Variants in CPNE4 observed in about 807,000 individuals in gnomAD.
CPNE4 encodes the protein copine-4.
In CPNE4, 25 loss-of-function variants were observed where a neutral mutation model predicts 67.9. The ratio of observed to expected loss-of-function variants is 0.37; its 90% confidence interval spans 0.27 to 0.51. The LOEUF is 0.51. Ranked by LOEUF, CPNE4 falls within the 20% of genes least tolerant of loss-of-function variation. CPNE4 has a pLI of 0.93. For synonymous variants in CPNE4, 242 were observed against 244.9 expected, an observed-to-expected ratio of 0.99 and a Z score of 0.11; for missense variants, 464 against 690.8, an observed-to-expected ratio of 0.67 and a Z score of 3.68.
intron 7 of CPNE4, among the ~76,000 whole-genome samples, chr3:131,624,347 C>T (rs1940628252): frequency 6.6e-6 from 1 of 152,118 alleles, no homozygotes; most frequent in South Asian, 2.1e-4. Flanking sequence ...ATATCTGGGT[C>T]TGGGTTTCTA....
chr3:131,739,603 A>G (rs1341192542), intron 2 of CPNE4, among the ~76,000 whole-genome samples: 2 of 152,244 alleles, frequency 1.3e-5, no homozygotes, highest in Non-Finnish European at 2.9e-5. Flanking sequence ...GAGAAGAAAC[A>G]ACTAACATGG....
intron 10 of CPNE4, among the ~76,000 whole-genome samples, chr3:131,570,908 C>G (rs1275157210): frequency 6.6e-6 from 1 of 152,060 alleles, no homozygotes; most frequent in African/African-American, 2.4e-5. Context: ...TAGTCTGATT[C>G]TAGCTTAAAA....
At position 131,990,142 on chromosome 3, in the gene CPNE4, TG is replaced by T. The variant is rs1211103529; in HGVS notation, c.-2+44424del. Reference sequence around the variant, plus strand: ...TAATGTATCTTCATTTATCATTTTGTGTGTCATACAAGTCTCTGTAAACTTA... The same window carrying T: ...TAATGTATCTTCATTTATCATTTTGTTGTCATACAAGTCTCTGTAAACTTA... On this transcript the variant is annotated intron_variant, in intron 1 of 15. Transcript: ENST00000429747. 3.2e-4 allele frequency among the ~76,000 whole-genome samples: 44 copies of T among 137,158 alleles called. 9 individuals are homozygous for T. The highest frequency in any genetic ancestry group is 1.5e-4 in the Non-Finnish European group (9 of 60,350). The allele number at this position is 137,158 out of a possible 152,430, so 90.0% of individuals were successfully genotyped here. A position where few individuals can be genotyped will look rare whatever the true frequency, so the allele number is the denominator to read the frequency against.
At chr3:131,651,424 TAGATA>T (rs1210765925) in intron 7 of CPNE4, among the ~76,000 whole-genome samples, 1 of 152,234 alleles carries the variant, frequency 6.6e-6, no homozygotes, top group Non-Finnish European at 1.5e-5. Context: ...CTGAAGATGA[TAGATA>T]AACACATCTA....
intron 6 of CPNE4, among the ~76,000 whole-genome samples, chr3:131,676,615 T>C (rs950762424): frequency 6.6e-6 from 1 of 152,180 alleles, no homozygotes; most frequent in Non-Finnish European, 1.5e-5. Context: ...CTCCCACTTA[T>C]AAGTGAGAAC....
intron 2 of CPNE4, among the ~76,000 whole-genome samples, chr3:131,812,922 G>A (rs2084593450): frequency 6.6e-6 from 1 of 152,176 alleles, no homozygotes; most frequent in South Asian, 2.1e-4. Context: ...ATTTTAGGTA[G>A]TAATCCTATA....
In CPNE4 at chr3:131,627,065, C is replaced by T. The variant is rs142718467; in HGVS notation, c.682-39483G>A. On this transcript the variant is annotated intron_variant, in intron 7 of 15. Transcript: ENST00000429747. ...AAAATTAGCCAGGTGCGGTGGTGGG[C>T]GCCTGTAATCCCAGCTACTCAGGAG... Among the ~76,000 whole-genome samples, 894 of 151,624 alleles carry T rather than the reference C, an allele frequency of 5.9e-3. 6 individuals are homozygous for T. The highest frequency in any genetic ancestry group is 0.02 in the African/African-American group (829 of 41,346).
chr3:131,713,858 C>T (rs2081617890), intron 3 of CPNE4, among the ~76,000 whole-genome samples: 1 of 152,060 alleles, frequency 6.6e-6, no homozygotes. Context: ...AACCACCCTA[C>T]TTAAATCCCA....
intron 1 of CPNE4, among the ~76,000 whole-genome samples, chr3:132,020,698 C>T (rs965368400): frequency 6.6e-6 from 1 of 152,068 alleles, no homozygotes. Flanking sequence ...TCTCCAACTC[C>T]CTAAAGAGTA....
chr3:131,995,541 CAG>C (rs1199766101), intron 1 of CPNE4, among the ~76,000 whole-genome samples: 2 of 152,098 alleles, frequency 1.3e-5, no homozygotes, highest in Non-Finnish European at 2.9e-5. Flanking sequence ...CAAGATGCCT[CAG>C]TGTGAGAAAA....
At position 131,622,640 on chromosome 3, in the gene CPNE4, G is replaced by A. The variant is rs557196298; in HGVS notation, c.682-35058C>T. On this transcript the variant is annotated intron_variant, in intron 7 of 15. Transcript: ENST00000429747. ...GGTGCCTAATTCTAGGAATATATAT[G>A]CAACACCTGCTTATGGGAAAAAGTC... Among the ~76,000 whole-genome samples the A allele has an allele frequency of 7.5e-4, 114 of 152,294 alleles. 1 individual carries two copies. Among genetic ancestry groups the A allele is most frequent in the African/African-American group, 2.7e-3 (111 of 41,554 alleles).
intron 7 of CPNE4, among the ~76,000 whole-genome samples, chr3:131,622,696 G>A (rs921094798): frequency 2.0e-5 from 3 of 152,132 alleles, no homozygotes; most frequent in African/African-American, 7.2e-5. Context: ...TGCACAGTGG[G>A]GAACAGTCCT....
intron 7 of CPNE4, among the ~76,000 whole-genome samples, chr3:131,661,937 C>T (rs1276007162): frequency 6.6e-6 from 1 of 152,012 alleles, no homozygotes; most frequent in African/African-American, 2.4e-5. Flanking sequence ...TGATGTAATT[C>T]ATATCTAATG....
At chr3:131,582,413 A>G (rs1168562124) in intron 8 of CPNE4, among the ~76,000 whole-genome samples, 1 of 152,178 alleles carries the variant, frequency 6.6e-6, no homozygotes, top group Non-Finnish European at 1.5e-5. Context: ...CAAATATCCA[A>G]GAGTTGTTGA....
chr3:131,631,490 G>A, intron 7 of CPNE4, among the ~76,000 whole-genome samples: 1 of 152,156 alleles, frequency 6.6e-6, no homozygotes, highest in East Asian at 1.9e-4. Context: ...ATTCAACAAT[G>A]AAATATTTAA....
At chr3:131,907,088 CA>C (rs1161303451) in intron 1 of CPNE4, among the ~76,000 whole-genome samples, 3 of 152,120 alleles carry the variant, frequency 2.0e-5, no homozygotes, top group Middle Eastern at 6.8e-3. Context: ...TTTATGCAGC[CA>C]AAAAACACAT....
rs766277024 is a variant in CPNE4, at chr3:131,928,577, C to A, written c.-1-23133G>T. On this transcript the variant is annotated intron_variant, in intron 1 of 15. Transcript: ENST00000429747. ...CCTGGCAGTGACTAGCCTTAAAAAC[C>A]ATTCCCAACTCTACCTCCAGACCTG... Among the ~76,000 whole-genome samples, 74 of 152,122 alleles carry A rather than the reference C, an allele frequency of 4.9e-4. 2 individuals carry two copies. Among genetic ancestry groups the A allele is most frequent in the Non-Finnish European group, 7.4e-5 (5 of 68,002 alleles).
chr3:131,792,544 A>G (rs1301869797), intron 2 of CPNE4, among the ~76,000 whole-genome samples: 1 of 147,978 alleles, frequency 6.8e-6, no homozygotes, highest in East Asian at 2.1e-4. Flanking sequence ...GAATATCCCA[A>G]TGTGTACCTG....
At chr3:132,017,320 A>G (rs1199789526) in intron 1 of CPNE4, 2 of 152,066 alleles carry the variant, frequency 1.3e-5, no homozygotes, top group African/African-American at 2.4e-5. Context: ...AAAGAGAAGG[A>G]GAGAAGAATA....
Sources: gnomAD v4.1 joint callset for allele counts (sites outside exome capture counted in the v4.1 genomes callset) on GRCh38, gnomAD v4.1.1 for gene constraint, MANE v1.5 for transcripts, NCBI Gene and HGNC (gene_info 2026-07-23, HGNC 2026-07-21) for gene names.